Variants in TMEM245 observed in about 807,000 individuals in gnomAD.
TMEM245 encodes the protein protein CG-2.
A neutral mutation model predicts 101.2 loss-of-function variants in TMEM245; 69 were observed. The observed-to-expected ratio is 0.68, with a 90% CI of 0.56 to 0.83. The LOEUF (loss-of-function observed/expected upper bound fraction) is 0.83. TMEM245 is among the 40% of genes least tolerant of loss of function. TMEM245 has a pLI of 0.00. For synonymous variants in TMEM245, 537 were observed against 449.8 expected, an observed-to-expected ratio of 1.19 and a Z score of -2.45; for missense variants, 1,075 against 1,092.8, an observed-to-expected ratio of 0.98 and a Z score of 0.23.
chr9:109,036,456 G>T, intron 15 of TMEM245, 76 bp from the exon 16 acceptor site: 1 of 1,357,336 alleles, frequency 7.4e-7, no homozygotes, highest in Non-Finnish European at 9.7e-7. Context: ...CTAAGCAGTA[G>T]CTCCTCCTCA....
intron 9 of TMEM245, among the ~76,000 whole-genome samples, chr9:109,067,427 C>A (rs1829203099): frequency 6.6e-6 from 1 of 152,192 alleles, no homozygotes; most frequent in African/African-American, 2.4e-5. Context: ...CAGCAGAAAC[C>A]AATGCCCTAC....
At chr9:109,054,004 C>A (rs1441668440) in intron 12 of TMEM245, among the ~76,000 whole-genome samples, 1 of 152,186 alleles carries the variant, frequency 6.6e-6, no homozygotes, top group East Asian at 1.9e-4. Flanking sequence ...CTCAAAACGC[C>A]ATTTCAACAC....
At chr9:109,051,221 G>A (rs916304857) in intron 12 of TMEM245, among the ~76,000 whole-genome samples, 1 of 151,524 alleles carries the variant, frequency 6.6e-6, no homozygotes, top group African/African-American at 2.4e-5. Flanking sequence ...GAACCCAGGA[G>A]GCAGGGGTTG....
At chr9:109,118,551 G>C (rs1469971448) in intron 1 of TMEM245, among the ~76,000 whole-genome samples, 1 of 152,156 alleles carries the variant, frequency 6.6e-6, no homozygotes, top group African/African-American at 2.4e-5. Context: ...CAATTCTAAA[G>C]CTCCCTGGTT....
intron 1 of TMEM245, among the ~76,000 whole-genome samples, chr9:109,115,633 C>T (rs1202667933): frequency 6.9e-6 from 1 of 145,446 alleles, no homozygotes; most frequent in Non-Finnish European, 1.5e-5. Context: ...CGGTTTCAAG[C>T]AATTCTCCTG....
chr9:109,055,010 CT>C (rs1828789763), intron 12 of TMEM245, among the ~76,000 whole-genome samples: 1 of 152,158 alleles, frequency 6.6e-6, no homozygotes. Context: ...AGAAATTGTA[CT>C]TTTCTTTTTG....
intron 17 of TMEM245, among the ~76,000 whole-genome samples, chr9:109,030,810 G>A (rs984904644): frequency 6.6e-6 from 1 of 152,170 alleles, no homozygotes; most frequent in Non-Finnish European, 1.5e-5. Context: ...CCCCTAACCA[G>A]CTCTAACTCA....
chr9:109,046,732 T>G (rs925328938), intron 14 of TMEM245, among the ~76,000 whole-genome samples: 5 of 152,386 alleles, frequency 3.3e-5, no homozygotes, highest in Admixed American at 2.0e-4. Flanking sequence ...ATTTGTAGGC[T>G]AAACTGCACT....
chr9:109,119,837 G>C lies in TMEM245; in HGVS notation c.77C>G (p.Ala26Gly). The change falls in exon 1 of 18, where the codon GCG becomes GGG. Residue 26 changes from alanine (A) to glycine (G), a missense_variant. Ala to Gly is a moderately conservative substitution (Grantham distance 60). Coordinates refer to ENST00000374586, the MANE Select transcript of TMEM245 (RefSeq NM_032012.4). ...SPGPAPRVPR[A>G]VGPSGGGGET... is the part of the protein sequence containing the mutation. ...CCCGCCACCGCCACTCGGCCCGACC[G>C]CGCGCGGGACCCGCGGCGCCGGCCC... is the stretch of plus-strand genomic sequence containing the variant. 7.4e-7 allele frequency: 1 copy of C among 1,349,404 alleles called. No individual in the cohort carries two copies. Among genetic ancestry groups the C allele is most frequent in the South Asian group, 2.0e-5 (1 of 51,122 alleles). The allele number at this position is 1,349,404 out of a possible 1,614,324, so 83.6% of individuals were successfully genotyped here. A position where few individuals can be genotyped will look rare whatever the true frequency, so the allele number is the denominator to read the frequency against.
In TMEM245 at chr9:109,064,515, T is replaced by C. The variant is rs765331747; in HGVS notation, c.1585A>G (p.Asn529Asp). 1 of 1,614,006 alleles carries C rather than the reference T, an allele frequency of 6.2e-7. No homozygotes were observed. Among genetic ancestry groups the C allele is most frequent in the South Asian group, 1.1e-5 (1 of 91,080 alleles). ...CATTCTCGTCCATACTGATACACGT[T>C]GTTAGCCGCAGAATTCAGGGCTCTT... is the stretch of plus-strand genomic sequence containing the variant. ...VQRALNSAAN[N>D]VYQYGREWIT... Residue 529 changes from asparagine to aspartate, a missense_variant, in exon 10 of 18, where the codon AAC (asparagine) becomes GAC (aspartate). Asn to Asp is a conservative substitution (Grantham distance 23). This residue lies in a region of TMEM245 where 808 missense variants were observed against 741.5 expected (regional missense o/e 1.09). Transcript: ENST00000374586.
intron 1 of TMEM245, among the ~76,000 whole-genome samples, chr9:109,110,288 C>T (rs1461707380): frequency 6.6e-6 from 1 of 152,068 alleles, no homozygotes; most frequent in Admixed American, 6.6e-5. Flanking sequence ...TTTATGTATA[C>T]TAACTCATTT....
At position 109,033,451 on chromosome 9, in the gene TMEM245, T is replaced by C. The variant is rs777132080; in HGVS notation, c.2450A>G (p.Tyr817Cys). ...GATGATTGCTCCTTCCAGGCCTAGG[T>C]AGTATGCTCCACCGGCCACTGCCAA... is the stretch of plus-strand genomic sequence containing the variant. ...TGLAVAGGAYYLGLEGAIIGP... is the reference protein window; with the variant it reads ...TGLAVAGGAYCLGLEGAIIGP... Residue 817 changes from tyrosine to cysteine, a missense_variant, in exon 17 of 18, where the codon TAC becomes TGC. Physicochemically the swap from Tyr to Cys is radical, Grantham distance 194. Transcript: ENST00000374586. The C allele has an allele frequency of 5.0e-6, 8 of 1,613,396 alleles. No homozygotes were observed. Among genetic ancestry groups the C allele is most frequent in the Middle Eastern group, 1.7e-4 (1 of 6,060 alleles).
intron 14 of TMEM245, chr9:109,039,073 T>C (rs3750452): frequency 0.23 from 34,456 of 152,178 alleles, 4,735 homozygotes; most frequent in Admixed American, 0.3. Context: ...CGTGACCTTG[T>C]ACATGCAAAA....
chr9:109,107,747 T>C (rs527529875), intron 2 of TMEM245, among the ~76,000 whole-genome samples: 4 of 152,308 alleles, frequency 2.6e-5, no homozygotes, highest in Admixed American at 2.0e-4. Context: ...AATTAGAACT[T>C]AGTGTTTCCA....
Position 109,119,935 on chromosome 9 carries a change from C to T in TMEM245, c.-22G>A, listed in dbSNP as rs757440787. Reference sequence around the variant, plus strand: ...CCATCGTTCCTCCGCCACAGCCGCCCCCGAGGGGCGGTAATGGGAGTCGGG... The same window carrying T: ...CCATCGTTCCTCCGCCACAGCCGCCTCCGAGGGGCGGTAATGGGAGTCGGG... On this transcript the variant is annotated 5_prime_UTR_variant, in exon 1 of 18. Coordinates refer to ENST00000374586, the MANE Select transcript of TMEM245 (RefSeq NM_032012.4). 4 of 1,292,456 alleles carry T rather than the reference C, an allele frequency of 3.1e-6. No individual in the cohort carries two copies. Among genetic ancestry groups the T allele is most frequent in the Non-Finnish European group, 3.9e-6 (4 of 1,024,216 alleles). The allele number at this position is 1,292,456 out of a possible 1,614,324, so 80.1% of individuals were successfully genotyped here. A position where few individuals can be genotyped will look rare whatever the true frequency, so the allele number is the denominator to read the frequency against.
At chr9:109,033,255 C>G in intron 17 of TMEM245, 52 bp downstream of exon 17, 1 of 1,497,390 alleles carries the variant, frequency 6.7e-7, no homozygotes, top group African/African-American at 1.4e-5. Context: ...AATACAGAGA[C>G]AGGACAGTTC....
chr9:109,058,385 T>A (rs969227547), intron 11 of TMEM245, among the ~76,000 whole-genome samples: 3 of 151,838 alleles, frequency 2.0e-5, no homozygotes, highest in Admixed American at 2.0e-4. Context: ...AGGCAGTAAA[T>A]AGAATTTATC....
chr9:109,036,134 ATCC>A, intron 16 of TMEM245, 69 bp downstream of exon 16: 2 of 1,352,694 alleles, frequency 1.5e-6, no homozygotes, highest in Non-Finnish European at 1.9e-6. Flanking sequence ...GGAGAAAAAA[ATCC>A]TCCTTTAAAA....
chr9:109,072,444 T>C (rs1829362445), intron 9 of TMEM245, among the ~76,000 whole-genome samples: 1 of 152,254 alleles, frequency 6.6e-6, no homozygotes, highest in Non-Finnish European at 1.5e-5. Context: ...ATCTGCTTTT[T>C]AGATCTAAGT....
Sources: gnomAD v4.1 joint callset for allele counts (sites outside exome capture counted in the v4.1 genomes callset) on GRCh38, gnomAD v4.1.1 for gene constraint, gnomAD v4.1.1 regional missense constraint, MANE v1.5 for transcripts, NCBI Gene and HGNC (gene_info 2026-07-23, HGNC 2026-07-21) for gene names.